Variants in CAMK2D observed in about 807,000 individuals in gnomAD.
CAMK2D encodes calcium/calmodulin dependent protein kinase II delta.
Under a neutral mutation model 84.0 loss-of-function variants are expected in CAMK2D, and 37 were observed. The ratio of observed to expected loss-of-function variants is 0.44; its 90% CI spans 0.34 to 0.58. The LOEUF (loss-of-function observed/expected upper bound fraction) is 0.58. Ranked by LOEUF, CAMK2D falls within the 20% of genes least tolerant of loss-of-function variation. CAMK2D has a pLI of 0.02. For missense variants in CAMK2D, 448 were observed against 652.5 expected, an observed-to-expected ratio of 0.69 and a Z score of 3.41; for synonymous variants, 202 against 212.5, an observed-to-expected ratio of 0.95 and a Z score of 0.43.
chr4:113,581,529 A>AAAGAAAAAGAAAAG (rs1553973876), intron 4 of CAMK2D, among the ~76,000 whole-genome samples: 2 of 121,892 alleles, frequency 1.6e-5, no homozygotes, highest in South Asian at 2.6e-4. Context: ...AAAAAAAAAA[A>AAAGAAAAAGAAAAG]AAAAGAAAAG....
chr4:113,580,612 C>T (rs1039280421), intron 4 of CAMK2D, among the ~76,000 whole-genome samples: 3 of 152,140 alleles, frequency 2.0e-5, no homozygotes, highest in Admixed American at 2.0e-4. Flanking sequence ...AGATCAGACT[C>T]AGAAGTAGGT....
At chr4:113,756,283 T>C (rs1204941453) in intron 2 of CAMK2D, among the ~76,000 whole-genome samples, 1 of 152,058 alleles carries the variant, frequency 6.6e-6, no homozygotes, top group Non-Finnish European at 1.5e-5. Flanking sequence ...CTTAGATTTA[T>C]TAACAATAGC....
chr4:113,458,379 T>C (rs150967844), intron 18 of CAMK2D, among the ~76,000 whole-genome samples: 1 of 152,180 alleles, frequency 6.6e-6, no homozygotes, highest in Non-Finnish European at 1.5e-5. Context: ...CTAGAAAAGG[T>C]TGAATTGTTT....
At chr4:113,673,023 G>A (rs2099298515) in intron 2 of CAMK2D, among the ~76,000 whole-genome samples, 1 of 152,146 alleles carries the variant, frequency 6.6e-6, no homozygotes. Context: ...TTCATTTGAA[G>A]CCATTCTGTC....
At chr4:113,530,661 C>T (rs1365159696) in intron 8 of CAMK2D, among the ~76,000 whole-genome samples, 5 of 152,170 alleles carry the variant, frequency 3.3e-5, no homozygotes, top group African/African-American at 9.7e-5. Context: ...TGGGAGCCCC[C>T]TCTCTGTTTC....
chr4:113,586,433 T>C (rs2098834604), intron 4 of CAMK2D, among the ~76,000 whole-genome samples: 1 of 152,202 alleles, frequency 6.6e-6, no homozygotes, highest in Non-Finnish European at 1.5e-5. Context: ...AGGAAATAAG[T>C]TAACTTTTTG....
intron 2 of CAMK2D, among the ~76,000 whole-genome samples, chr4:113,696,607 GC>G (rs2099403648): frequency 1.3e-5 from 2 of 152,176 alleles, no homozygotes; most frequent in East Asian, 3.9e-4. Flanking sequence ...GCCAGGAGCA[GC>G]CCTTGCCTTC....
At chr4:113,586,795 T>G (rs1859149) in intron 4 of CAMK2D, among the ~76,000 whole-genome samples, 149,010 of 152,238 alleles carry the variant, frequency 0.98, 72,947 homozygotes, top group East Asian at 1. Context: ...TATCTATGAA[T>G]ATTCGCTGGT....
intron 16 of CAMK2D, among the ~76,000 whole-genome samples, chr4:113,480,551 G>T (rs1421597269): frequency 1.3e-5 from 2 of 152,000 alleles, no homozygotes; most frequent in Non-Finnish European, 2.9e-5. Flanking sequence ...CTTATAAAAG[G>T]GCTTGAGGGC....
At chr4:113,470,110 G>A (rs2097529211) in intron 16 of CAMK2D, among the ~76,000 whole-genome samples, 1 of 152,044 alleles carries the variant, frequency 6.6e-6, no homozygotes, top group Admixed American at 6.6e-5. Flanking sequence ...GGTACCTGAA[G>A]AGAGACTACA....
At chr4:113,584,000 T>C (rs961030093) in intron 4 of CAMK2D, among the ~76,000 whole-genome samples, 6 of 152,228 alleles carry the variant, frequency 3.9e-5, no homozygotes, top group African/African-American at 1.2e-4. Flanking sequence ...AGCTTAATCA[T>C]TGGCTGGGGT....
chr4:113,585,412 C>T (rs1465109555), intron 4 of CAMK2D, among the ~76,000 whole-genome samples: 1 of 152,112 alleles, frequency 6.6e-6, no homozygotes, highest in Non-Finnish European at 1.5e-5. Context: ...TACATACACA[C>T]ATATACATGT....
chr4:113,748,465 AT>A (rs1172805240), intron 2 of CAMK2D, among the ~76,000 whole-genome samples: 1 of 152,134 alleles, frequency 6.6e-6, no homozygotes, highest in Non-Finnish European at 1.5e-5. Context: ...CTCTATGAAT[AT>A]TTCCTAAGAA....
At chr4:113,597,834 T>G (rs2098934150) in intron 4 of CAMK2D, among the ~76,000 whole-genome samples, 1 of 152,204 alleles carries the variant, frequency 6.6e-6, no homozygotes, top group Admixed American at 6.5e-5. Flanking sequence ...ACTTGAGCAC[T>G]TAGAGGCCAG....
At chr4:113,634,026 T>C (rs998305330) in intron 3 of CAMK2D, among the ~76,000 whole-genome samples, 13 of 152,224 alleles carry the variant, frequency 8.5e-5, no homozygotes, top group African/African-American at 2.4e-4. Context: ...TAAAAGACTT[T>C]TGTCACCTTT....
At chr4:113,648,223 T>C (rs2099159092) in intron 3 of CAMK2D, among the ~76,000 whole-genome samples, 1 of 152,218 alleles carries the variant, frequency 6.6e-6, no homozygotes, top group Non-Finnish European at 1.5e-5. Flanking sequence ...TAATTTCCTT[T>C]TATTCATCTA....
rs1020575632 is a variant in CAMK2D, at chr4:113,502,809, A to G, written c.1086+127T>C. 8.7e-6 allele frequency: 6 copies of G among 693,364 alleles called. No homozygotes were observed. In the Admixed American group the frequency reaches 8.8e-5, roughly 10 times the overall value. The allele number at this position is 693,364 out of a possible 1,614,324, so 43.0% of individuals were successfully genotyped here. A position where few individuals can be genotyped will look rare whatever the true frequency, so the allele number is the denominator to read the frequency against. On this transcript the variant is annotated intron_variant, in intron 15 of 20. Coordinates refer to ENST00000511664, the MANE Select transcript of CAMK2D (RefSeq NM_001321571.2). The stretch of plus-strand genomic sequence containing the variant: ...ATAGTTCTAGATAAATTAGGCCCAA[A>G]AGGAAGTGTGGTAGAAAATGGTTAG...
intron 4 of CAMK2D, 84 bp from the exon 5 acceptor site, chr4:113,552,180 C>T (rs997563343): frequency 1.4e-6 from 1 of 721,200 alleles, no homozygotes; most frequent in Non-Finnish European, 2.4e-6. Flanking sequence ...GTTCATATAG[C>T]TGTTTTTCTT....
chr4:113,461,791 G>T (rs1724673150), intron 17 of CAMK2D, among the ~76,000 whole-genome samples: 1 of 152,188 alleles, frequency 6.6e-6, no homozygotes, highest in South Asian at 2.1e-4. Flanking sequence ...CCATTTGGGT[G>T]GAGGGGGAGC....
Sources: gnomAD v4.1 joint callset for allele counts (sites outside exome capture counted in the v4.1 genomes callset) on GRCh38, gnomAD v4.1.1 for gene constraint, MANE v1.5 for transcripts, NCBI Gene and HGNC (gene_info 2026-07-23, HGNC 2026-07-21) for gene names.